CHAT: variants seen among roughly 807,000 people sequenced by gnomAD.
The protein encoded by CHAT is choline O-acetyltransferase, also known as acetyl CoA:choline O-acetyltransferase.
In CHAT, 61 loss-of-function variants were observed where a neutral mutation model predicts 76.9. The observed-to-expected ratio is 0.79, with a 90% CI of 0.65 to 0.98. CHAT has a LOEUF of 0.98. Among genes scored for constraint, CHAT ranks in the 50% least tolerant of loss-of-function variants. The probability of loss-of-function intolerance (pLI) is 0.00; values close to 1 mark genes in which losing one functional copy is unlikely to be tolerated. For synonymous variants in CHAT, 407 were observed against 397.4 expected, an observed-to-expected ratio of 1.02 and a Z score of -0.29; for missense variants, 946 against 986.9, an observed-to-expected ratio of 0.96 and a Z score of 0.56.
intron 13 of CHAT, among the ~76,000 whole-genome samples, chr10:49,659,884 A>T (rs1840140495): frequency 6.6e-6 from 1 of 152,252 alleles, no homozygotes; most frequent in African/African-American, 2.4e-5. Flanking sequence ...ATAAATAAAT[A>T]AAATAGATAC....
intron 13 of CHAT, among the ~76,000 whole-genome samples, chr10:49,661,799 C>G (rs1288117831): frequency 2.0e-5 from 3 of 152,160 alleles, no homozygotes; most frequent in African/African-American, 4.8e-5. Context: ...ACATACCCAG[C>G]CTCAAGTGGG....
chr10:49,621,163 T>C (rs1218206423), intron 4 of CHAT, among the ~76,000 whole-genome samples: 2 of 152,340 alleles, frequency 1.3e-5, no homozygotes, highest in East Asian at 3.9e-4. Context: ...AGGGTTTCCC[T>C]TCTGGAGTCA....
intron 14 of CHAT, among the ~76,000 whole-genome samples, chr10:49,664,360 G>T (rs541640755): frequency 6.6e-6 from 1 of 152,316 alleles, no homozygotes; most frequent in East Asian, 1.9e-4. Context: ...TCGACACAGA[G>T]GATGGGCCAG....
chr10:49,623,138 T>C (rs1405193924), intron 5 of CHAT, among the ~76,000 whole-genome samples: 5 of 152,190 alleles, frequency 3.3e-5, no homozygotes, highest in Admixed American at 3.3e-4. Flanking sequence ...TGGTGTGTCT[T>C]TGGTCTCTCC....
At chr10:49,616,895 C>T (rs1483767728) in intron 2 of CHAT, among the ~76,000 whole-genome samples, 1 of 152,236 alleles carries the variant, frequency 6.6e-6, no homozygotes, top group Admixed American at 6.5e-5. Context: ...TTCATCCCAG[C>T]TTCCACTTCT....
intron 5 of CHAT, among the ~76,000 whole-genome samples, chr10:49,624,790 G>A (rs1412232005): frequency 6.6e-6 from 1 of 152,032 alleles, no homozygotes; most frequent in Non-Finnish European, 1.5e-5. Context: ...ATGGGTGGAT[G>A]GTGGATGGAT....
chr10:49,639,080 C>A (rs773879072), intron 7 of CHAT, among the ~76,000 whole-genome samples: 3 of 151,936 alleles, frequency 2.0e-5, no homozygotes, highest in Non-Finnish European at 2.9e-5. Context: ...ACTAATAATA[C>A]AAAAATTAGC....
chr10:49,625,085 G>A (rs1264905826), intron 5 of CHAT, among the ~76,000 whole-genome samples: 1 of 152,192 alleles, frequency 6.6e-6, no homozygotes, highest in African/African-American at 2.4e-5. Flanking sequence ...CTCAGAAGAG[G>A]CTTCTAAAAG....
In CHAT at chr10:49,667,813, A is replaced by AT. The variant is rs1279278701; in HGVS notation, c.*2771dup. Among the ~76,000 whole-genome samples the AT allele has an allele frequency of 2.8e-4, 42 of 152,318 alleles. No homozygotes were observed. The highest frequency in any genetic ancestry group is 9.4e-4 in the African/African-American group (39 of 41,578). On this transcript the variant is annotated 3_prime_UTR_variant, in exon 15 of 15. Transcript: ENST00000337653. The stretch of plus-strand genomic sequence containing the variant: ...CAATATAAACGTGTATAGCCTTTTG[A>AT]TTTTAATTTCTAGTTTTGTGCTTTG...
rs1840234907 is a variant in CHAT, at chr10:49,662,755, C to A, written c.1950C>A (p.Ser650Arg). The stretch of plus-strand genomic sequence containing the variant: ...TCATGGATGAAACCTACCTGATGAG[C>A]AACCGGTTTGTCCTCTCCACTAGCC... ...EMFMDETYLM[S>R]NRFVLSTSQV... Residue 650 changes from serine (S) to arginine (R), a missense_variant, in exon 14 of 15, where the codon AGC (serine) becomes AGA (arginine). Around this residue, in one of 3 missense-constraint regions of CHAT, gnomAD observed 349 missense variants for 393.9 expected, o/e 0.89. Coordinates refer to ENST00000337653, the MANE Select transcript of CHAT (RefSeq NM_020549.5). 2.5e-6 allele frequency: 4 copies of A among 1,614,230 alleles called. No individual in the cohort carries two copies. Among genetic ancestry groups the A allele is most frequent in the Non-Finnish European group, 3.4e-6 (4 of 1,180,044 alleles).
intron 3 of CHAT, 132 bp downstream of exon 3, chr10:49,620,048 A>G: frequency 2.2e-6 from 2 of 895,728 alleles, no homozygotes; most frequent in Non-Finnish European, 3.4e-6. Flanking sequence ...GATGGGGGAT[A>G]GGTGTGGGAA....
chr10:49,648,725 A>G (rs1258618783), intron 9 of CHAT, 118 bp downstream of exon 9: 2 of 581,770 alleles, frequency 3.4e-6, no homozygotes, highest in Non-Finnish European at 6.1e-6. Context: ...AATGTGTACT[A>G]TACACACACA....
rs182789990 is a variant in CHAT, at chr10:49,645,540, G to A, written c.1112-965G>A. Among the ~76,000 whole-genome samples, 50 of 152,302 alleles carry A rather than the reference G, an allele frequency of 3.3e-4. No individual in the cohort carries two copies. In the East Asian group the frequency reaches 7.5e-3, roughly 23 times the overall value. On this transcript the variant is annotated intron_variant, in intron 7 of 14. Coordinates refer to ENST00000337653, the MANE Select transcript of CHAT (RefSeq NM_020549.5). ...TCCTGTTTGGAAGAAATGGGAACAC[G>A]CAGCGGGAGCAGGCCTGGCCCCCAA...
upstream of CHAT, chr10:49,610,665 C>A: frequency 1.4e-6 from 2 of 1,386,018 alleles, no homozygotes; most frequent in East Asian, 5.4e-5. Context: ...AAGTCCCGTG[C>A]CCTCGCCTCT....
chr10:49,611,728 GC>G, upstream of CHAT: 1 of 1,606,050 alleles, frequency 6.2e-7, no homozygotes, highest in Non-Finnish European at 8.5e-7. Flanking sequence ...GATGGGCATG[GC>G]CTGGCTGCCG....
At chr10:49,637,739 T>C (rs1839343997) in intron 7 of CHAT, 1 of 152,206 alleles carries the variant, frequency 6.6e-6, no homozygotes, top group Non-Finnish European at 1.5e-5. Context: ...TAATACAGAC[T>C]CCCTCTTTGA....
In CHAT at chr10:49,622,056, G is replaced by A. The variant is rs757114223; in HGVS notation, c.699-41G>A. On this transcript the variant is annotated intron_variant, in intron 4 of 14. Coordinates refer to ENST00000337653, the MANE Select transcript of CHAT (RefSeq NM_020549.5). ...AGGGAGGGAGGGAGGGAGGAAGCCA[G>A]GCCCTGGGAGGAAGGGCTCAGGCCT... is the stretch of plus-strand genomic sequence containing the variant. The A allele has an allele frequency of 7.4e-6, 5 of 679,516 alleles. No homozygotes were observed. The South Asian group carries it at 7.4e-5, about 10-fold the overall frequency. 42.1% of individuals were successfully genotyped at this position (679,516 alleles called of 1,614,324 possible).
At chr10:49,656,947 C>T (rs749044274) in intron 13 of CHAT, among the ~76,000 whole-genome samples, 1 of 152,050 alleles carries the variant, frequency 6.6e-6, no homozygotes, top group Non-Finnish European at 1.5e-5. Flanking sequence ...TACTGTCACT[C>T]TCTCTGAAAC....
At chr10:49,655,541 G>A in intron 13 of CHAT, 93 bp downstream of exon 13, 1 of 1,192,490 alleles carries the variant, frequency 8.4e-7, no homozygotes, top group Non-Finnish European at 1.2e-6. Context: ...CTGTGTGAGG[G>A]CCCAGCCACC....
Sources: allele counts gnomAD v4.1 joint callset (sites outside exome capture counted in the v4.1 genomes callset), GRCh38; gene constraint gnomAD v4.1.1; regional missense constraint gnomAD v4.1.1; transcripts MANE v1.5; gene names NCBI Gene and HGNC (gene_info 2026-07-23, HGNC 2026-07-21).